Variants in RUFY3 observed in about 807,000 individuals in gnomAD.
RUFY3 encodes protein RUFY3.
In RUFY3, 34 loss-of-function variants were observed where a neutral mutation model predicts 84.0. The observed-to-expected ratio is 0.40, with a 90% CI of 0.31 to 0.54. RUFY3 has a LOEUF of 0.54. RUFY3 is among the 20% of genes least tolerant of loss of function. The probability of loss-of-function intolerance (pLI) is 0.39; values close to 1 mark genes in which losing one functional copy is unlikely to be tolerated. For synonymous variants in RUFY3, 242 were observed against 252.9 expected (o/e 0.96, Z 0.41); for missense variants, 507 against 736.8 (o/e 0.69, Z 3.61).
upstream of RUFY3, among the ~76,000 whole-genome samples, chr4:70,716,965 T>C (rs1158541906): frequency 1.3e-5 from 2 of 152,106 alleles, no homozygotes; most frequent in East Asian, 1.9e-4. Context: ...ACTAAACATA[T>C]TGCTTAGACC....
At chr4:70,704,860 G>T in exon 1 of RUFY3, 1 of 970,524 alleles carries the variant, frequency 1.0e-6, no homozygotes, top group East Asian at 3.7e-5. Context: ...CGGGGCGGCG[G>T]CTCCTCGCCC....
chr4:70,796,665 C>T (rs1343061661), intron 14 of RUFY3, among the ~76,000 whole-genome samples: 1 of 152,188 alleles, frequency 6.6e-6, no homozygotes, highest in East Asian at 1.9e-4. Flanking sequence ...TCAATTAGAG[C>T]ATGAACAAGA....
chr4:70,780,434 C>T (rs1463998580), intron 8 of RUFY3, among the ~76,000 whole-genome samples: 1 of 152,118 alleles, frequency 6.6e-6, no homozygotes, highest in African/African-American at 2.4e-5. Flanking sequence ...GCCGGGACCA[C>T]AGGCATGCAC....
intron 7 of RUFY3, among the ~76,000 whole-genome samples, chr4:70,778,132 A>G (rs929465138): frequency 3.9e-5 from 6 of 152,090 alleles, no homozygotes; most frequent in Non-Finnish European, 8.8e-5. Context: ...TACTTGGGAG[A>G]CTGAGGCAAG....
chr4:70,801,210 AG>A (rs1290610120), intron 15 of RUFY3, among the ~76,000 whole-genome samples: 1 of 152,020 alleles, frequency 6.6e-6, no homozygotes, highest in African/African-American at 2.4e-5. Flanking sequence ...AAGAGAAGGA[AG>A]GAACGAACCG....
At chr4:70,709,192 G>A (rs1740694268) in intron 1 of RUFY3, among the ~76,000 whole-genome samples, 1 of 152,222 alleles carries the variant, frequency 6.6e-6, no homozygotes, top group African/African-American at 2.4e-5. Flanking sequence ...GGAGACTTCT[G>A]ATGTGCCTTG....
chr4:70,714,993 G>A (rs1176766429), intron 1 of RUFY3, among the ~76,000 whole-genome samples: 1 of 152,148 alleles, frequency 6.6e-6, no homozygotes, highest in Non-Finnish European at 1.5e-5. Flanking sequence ...TCCTGGTAGT[G>A]TTTGTTTCTA....
intron 1 of RUFY3, among the ~76,000 whole-genome samples, chr4:70,715,050 G>T (rs1741408182): frequency 6.6e-6 from 1 of 152,112 alleles, no homozygotes; most frequent in South Asian, 2.1e-4. Context: ...GTTTATAGTT[G>T]TTGTCAACTT....
chr4:70,768,458 T>G, intron 4 of RUFY3, 80 bp from the exon 5 acceptor site: 2 of 1,397,832 alleles, frequency 1.4e-6, no homozygotes, highest in Non-Finnish European at 2.0e-6. Flanking sequence ...GATTCAACCA[T>G]GAATCAACCA....
chr4:70,755,905 C>A (rs1723930956), intron 1 of RUFY3, among the ~76,000 whole-genome samples: 1 of 151,066 alleles, frequency 6.6e-6, no homozygotes, highest in African/African-American at 2.4e-5. Flanking sequence ...GAGCTGAGAT[C>A]ACGCCTCTGC....
intron 1 of RUFY3, among the ~76,000 whole-genome samples, chr4:70,746,502 C>A (rs1722250020): frequency 1.5e-5 from 2 of 132,640 alleles, no homozygotes; most frequent in Admixed American, 7.5e-5. Context: ...GCAAGACTGT[C>A]TCAAAAAAAA....
chr4:70,714,725 A>G lies in RUFY3; in HGVS notation c.358+9431A>G, dbSNP rs927601720. Among the ~76,000 whole-genome samples the G allele has an allele frequency of 1.3e-5, 2 of 152,200 alleles. 1 individual carries two copies. Among genetic ancestry groups the G allele is most frequent in the South Asian group, 4.1e-4 (2 of 4,822 alleles). On this transcript the variant is annotated intron_variant, in intron 1 of 11. Coordinates refer to the RUFY3 transcript ENST00000417478. ...TGAGTAGATACGTAAGAGGTATGCA[A>G]AATGCATATTTCTTTGGTGGAGCTT...
At chr4:70,743,795 G>T (rs1295283728) in intron 1 of RUFY3, among the ~76,000 whole-genome samples, 4 of 151,290 alleles carry the variant, frequency 2.6e-5, no homozygotes, top group African/African-American at 7.3e-5. Context: ...CTGAAAAGTA[G>T]TTAAAAAAAA....
chr4:70,708,447 C>G (rs1282044822), intron 1 of RUFY3, among the ~76,000 whole-genome samples: 1 of 152,102 alleles, frequency 6.6e-6, no homozygotes, highest in Non-Finnish European at 1.5e-5. Flanking sequence ...AGGTGTAAGC[C>G]ACCACACCTG....
intron 14 of RUFY3, 35 bp from the exon 15 acceptor site, chr4:70,800,106 A>T: frequency 6.3e-6 from 10 of 1,586,330 alleles, no homozygotes; most frequent in Non-Finnish European, 8.6e-6. Context: ...TAGCATTCTG[A>T]ATAATTAATA....
At chr4:70,770,040 T>C (rs755082793) in intron 5 of RUFY3, among the ~76,000 whole-genome samples, 1 of 152,174 alleles carries the variant, frequency 6.6e-6, no homozygotes, top group Non-Finnish European at 1.5e-5. Flanking sequence ...CAGGCTGATC[T>C]CAAACTCATG....
chr4:70,761,026 A>G (rs1252025437), intron 1 of RUFY3, among the ~76,000 whole-genome samples: 1 of 152,242 alleles, frequency 6.6e-6, no homozygotes, highest in African/African-American at 2.4e-5. Context: ...AATTTGCATT[A>G]AACAGTCTGT....
intron 5 of RUFY3, among the ~76,000 whole-genome samples, chr4:70,769,537 G>T (rs1726591445): frequency 1.3e-5 from 2 of 152,302 alleles, no homozygotes; most frequent in East Asian, 3.9e-4. Flanking sequence ...GCTGCTGACT[G>T]ATCTTGGCAG....
intron 1 of RUFY3, among the ~76,000 whole-genome samples, chr4:70,726,890 ATGTCAG>A (rs1379168868): frequency 6.6e-6 from 1 of 152,214 alleles, no homozygotes; most frequent in Non-Finnish European, 1.5e-5. Flanking sequence ...TGCTTGTGCC[ATGTCAG>A]TGCTAGAGGA....
Sources: allele counts gnomAD v4.1 joint callset (sites outside exome capture counted in the v4.1 genomes callset), GRCh38; gene constraint gnomAD v4.1.1; transcripts MANE v1.5; gene names NCBI Gene and HGNC (gene_info 2026-07-23, HGNC 2026-07-21).